ZNF878: variants seen among roughly 807,000 people sequenced by gnomAD.
ZNF878 encodes the protein zinc finger protein 878.
ZNF878 carries 10 observed loss-of-function variants against 11.1 expected under a neutral mutation model. That is an observed-to-expected ratio of 0.90 (90% CI 0.56 to 1.53). ZNF878 has a LOEUF of 1.53. Ranked by LOEUF, ZNF878 falls within the 40% of genes most tolerant of loss-of-function variation. The pLI is 0.00. For missense variants in ZNF878, 548 were observed against 626.1 expected, an observed-to-expected ratio of 0.88 and a Z score of 1.33; for synonymous variants, 165 against 209.7, an observed-to-expected ratio of 0.79 and a Z score of 1.84.
At chr19:12,047,585 A>C (rs2145524663) in intron 1 of ZNF878, among the ~76,000 whole-genome samples, 1 of 152,048 alleles carries the variant, frequency 6.6e-6, no homozygotes, top group South Asian at 2.1e-4. Flanking sequence ...AAAAAATTCT[A>C]ATTGATAAGA....
chr19:12,049,369 G>A (rs1975527876), intron 1 of ZNF878, among the ~76,000 whole-genome samples: 1 of 140,294 alleles, frequency 7.1e-6, no homozygotes, highest in Non-Finnish European at 1.5e-5. Flanking sequence ...GCTGAGGAAG[G>A]AGAATCGCTT....
chr19:12,050,023 G>A, intron 1 of ZNF878, among the ~76,000 whole-genome samples: 1 of 151,552 alleles, frequency 6.6e-6, no homozygotes, highest in East Asian at 2.0e-4. Flanking sequence ...TCAGGAGTTT[G>A]AGACCAGCCT....
At chr19:12,045,852 A>G (rs1001829695) in intron 3 of ZNF878, among the ~76,000 whole-genome samples, 4 of 151,530 alleles carry the variant, frequency 2.6e-5, no homozygotes, top group African/African-American at 9.7e-5. Flanking sequence ...TCAGCCTCCC[A>G]AGGACTACAG....
chr19:12,044,180 G>A lies in ZNF878; in HGVS notation c.1221C>T (p.Ala407=). ...CKQCGKAFRS[A]SVLQKHIRTH... Reference sequence around the variant, plus strand: ...TTCGTATGTGCTTTTGAAGGACTGAGGCAGATCTGAAGGCTTTCCCACATT... The same window carrying A: ...TTCGTATGTGCTTTTGAAGGACTGAAGCAGATCTGAAGGCTTTCCCACATT... The change falls in exon 4 of 4, where the codon GCC becomes GCT. Residue 407 remains alanine (A), a synonymous_variant. Coordinates refer to ENST00000547628, the MANE Select transcript of ZNF878 (RefSeq NM_001080404.3). 1.9e-6 allele frequency: 3 copies of A among 1,612,648 alleles called. No individual in the cohort carries two copies. Among genetic ancestry groups the A allele is most frequent in the Non-Finnish European group, 1.7e-6 (2 of 1,179,786 alleles).
At chr19:12,051,280 A>G (rs144327532) in intron 1 of ZNF878, among the ~76,000 whole-genome samples, 7,265 of 151,954 alleles carry the variant, frequency 0.048, 234 homozygotes, top group Middle Eastern at 0.092. Flanking sequence ...TCTCGGCAAC[A>G]AGAGCGAAAC....
chr19:12,046,799 C>G, intron 1 of ZNF878, 39 bp from the exon 2 acceptor site: 4 of 1,611,722 alleles, frequency 2.5e-6, no homozygotes, highest in Non-Finnish European at 3.4e-6. Context: ...ATGAGTGAGG[C>G]TGACAGCACT....
intron 1 of ZNF878, among the ~76,000 whole-genome samples, chr19:12,050,447 G>T (rs982916932): frequency 6.6e-6 from 1 of 152,080 alleles, no homozygotes; most frequent in East Asian, 1.9e-4. Flanking sequence ...ATAACCAAAA[G>T]TTTCACCTGT....
intron 1 of ZNF878, 89 bp downstream of exon 1, chr19:12,052,710 G>T: frequency 6.7e-7 from 1 of 1,493,454 alleles, no homozygotes; most frequent in Non-Finnish European, 9.0e-7. Context: ...AGTCGCTGCA[G>T]GGGGGCCCGG....
At position 12,044,271 on chromosome 19, in the gene ZNF878, G is replaced by A. The variant is rs1223665584; in HGVS notation, c.1130C>T (p.Thr377Ile). 2 of 1,611,704 alleles carry A rather than the reference G, an allele frequency of 1.2e-6. No homozygotes were observed. Among genetic ancestry groups the A allele is most frequent in the Non-Finnish European group, 1.7e-6 (2 of 1,179,340 alleles). The change falls in exon 4 of 4, where the codon ACT becomes ATT. Residue 377 changes from threonine to isoleucine, a missense_variant. By Grantham distance (89) the Thr-to-Ile change is moderately conservative. Around this residue, in one of 3 missense-constraint regions of ZNF878, gnomAD observed 335 missense variants for 358.2 expected, o/e 0.94. Coordinates refer to ENST00000547628, the MANE Select transcript of ZNF878 (RefSeq NM_001080404.3). ...FECKQCGKTF[T>I]SSNSFHYHER... is the part of the protein sequence containing the mutation. The stretch of plus-strand genomic sequence containing the variant: ...ATGATAGTGAAAGGAATTGGAAGAA[G>A]TGAAGGTTTTCCCACATTGTTTACA...
chr19:12,052,220 T>G (rs1975558518), intron 1 of ZNF878, among the ~76,000 whole-genome samples: 1 of 152,174 alleles, frequency 6.6e-6, no homozygotes, highest in Non-Finnish European at 1.5e-5. Context: ...TCGGGATTGC[T>G]TACTCCAGAC....
intron 1 of ZNF878, among the ~76,000 whole-genome samples, chr19:12,051,095 CAAAAA>C (rs370628123): frequency 2.7e-5 from 1 of 37,188 alleles, no homozygotes; most frequent in African/African-American, 1.0e-4. Flanking sequence ...GACTCCGTCT[CAAAAA>C]AAAAAAAAAA....
chr19:12,051,802 G>A (rs944536328), intron 1 of ZNF878, among the ~76,000 whole-genome samples: 1 of 151,974 alleles, frequency 6.6e-6, no homozygotes, highest in African/African-American at 2.4e-5. Flanking sequence ...AGCTACTCGG[G>A]AGGCTGAGGC....
chr19:12,048,688 G>C (rs574665440), intron 1 of ZNF878, among the ~76,000 whole-genome samples: 1 of 151,674 alleles, frequency 6.6e-6, no homozygotes, highest in South Asian at 2.1e-4. Flanking sequence ...ACGAATATCA[G>C]CTGGGCATGG....
chr19:12,049,288 C>G (rs541762563), intron 1 of ZNF878, among the ~76,000 whole-genome samples: 2 of 150,906 alleles, frequency 1.3e-5, no homozygotes, highest in African/African-American at 4.9e-5. Flanking sequence ...TGGTGAAACC[C>G]CATCTCTACT....
intron 2 of ZNF878, 30 bp downstream of exon 2, chr19:12,046,604 C>T: frequency 6.2e-7 from 1 of 1,613,510 alleles, no homozygotes; most frequent in South Asian, 1.1e-5. Context: ...TTCTTTAATT[C>T]ACTGAGGGAA....
Position 12,043,897 on chromosome 19 carries a change from T to A in ZNF878, c.1504A>T (p.Thr502Ser), listed in dbSNP as rs1568349231. 6.2e-7 allele frequency: 1 copy of A among 1,614,110 alleles called. No individual in the cohort carries two copies. The highest frequency in any genetic ancestry group is 1.1e-5 in the South Asian group (1 of 91,062). ...NSFLYHERIH[T>S]GEKPYECKQC... ...TTACACTCATAGGGTTTCTCTCCAG[T>A]ATGAATCCTTTCATGGTAGAGAAAA... is the stretch of plus-strand genomic sequence containing the variant. Residue 502 changes from threonine to serine, a missense_variant, in exon 4 of 4, where the codon ACT becomes TCT. Thr to Ser is a moderately conservative substitution (Grantham distance 58). Around this residue, in one of 3 missense-constraint regions of ZNF878, gnomAD observed 335 missense variants for 358.2 expected, o/e 0.94. Transcript: ENST00000547628.
intron 3 of ZNF878, 55 bp from the exon 4 acceptor site, chr19:12,045,264 G>A (rs1975462385): frequency 1.4e-6 from 2 of 1,395,468 alleles, no homozygotes; most frequent in Admixed American, 2.5e-5. Flanking sequence ...TAATTCCTTT[G>A]CAAGTATTAC....
intron 1 of ZNF878, among the ~76,000 whole-genome samples, chr19:12,049,495 G>GGCACAGT (rs1975530543): frequency 1.1e-5 from 1 of 93,284 alleles, no homozygotes; most frequent in Admixed American, 1.2e-4. Flanking sequence ...TAACAGGCCG[G>GGCACAGT]GCACAGTGGC....
rs200581026 is a variant in ZNF878 at position 12,050,411 on chromosome 19, CA to C, written c.3+2387del. On this transcript the variant is annotated intron_variant, in intron 1 of 3. Coordinates refer to ENST00000547628, the MANE Select transcript of ZNF878 (RefSeq NM_001080404.3). ...AATGAAATTTAGGCTTAACCAGGCA[CA>C]ATAGGTCAATTAATCTCTGATTACA... Among the ~76,000 whole-genome samples the C allele has an allele frequency of 3.0e-3, 455 of 152,208 alleles. 5 individuals carry two copies. The highest frequency in any genetic ancestry group is 0.01 in the African/African-American group (430 of 41,526).
Sources: gnomAD v4.1 joint callset for allele counts (sites outside exome capture counted in the v4.1 genomes callset) on GRCh38, gnomAD v4.1.1 for gene constraint, gnomAD v4.1.1 regional missense constraint, MANE v1.5 for transcripts, NCBI Gene and HGNC (gene_info 2026-07-23, HGNC 2026-07-21) for gene names.